Variants in RNFT1 observed in about 807,000 individuals in gnomAD.
RNFT1 encodes the protein E3 ubiquitin-protein ligase RNFT1.
In RNFT1, 35 loss-of-function variants were observed where a neutral mutation model predicts 53.2. The observed-to-expected ratio is 0.66, with a 90% CI of 0.50 to 0.87. RNFT1 has a LOEUF of 0.87. RNFT1 is among the 40% of genes least tolerant of loss of function. The pLI, the probability that RNFT1 is intolerant of heterozygous loss-of-function variation, is 0.00. For synonymous variants in RNFT1, 141 were observed against 172.8 expected (o/e 0.82, Z 1.44); for missense variants, 421 against 515.0 (o/e 0.82, Z 1.77).
chr17:59,959,252 T>C (rs959343442), intron 4 of RNFT1: 1 of 152,616 alleles, frequency 6.6e-6, no homozygotes, highest in African/African-American at 2.4e-5. Context: ...CTGCTTAGAC[T>C]AAAAACCCAG....
chr17:59,957,391 T>C lies in RNFT1; in HGVS notation c.847-9A>G, dbSNP rs770376798. 10 of 1,600,934 alleles carry C rather than the reference T, an allele frequency of 6.2e-6. No homozygotes were observed. In the East Asian group the frequency reaches 8.9e-5, roughly 14 times the overall value. On this transcript the variant is annotated splice_polypyrimidine_tract_variant and intron_variant, in intron 5 of 8. Coordinates refer to ENST00000305783, the MANE Select transcript of RNFT1 (RefSeq NM_016125.4). The stretch of plus-strand genomic sequence containing the variant: ...AGCATATACCAGTAACCCTAAAAAA[T>C]AAGAAGAAAACAAATAGAGCTACCC...
At position 59,963,150 on chromosome 17, in the gene RNFT1, T is replaced by C. The variant is rs1477154765; in HGVS notation, c.191A>G (p.His64Arg). 28 of 1,614,116 alleles carry C rather than the reference T, an allele frequency of 1.7e-5. No homozygotes were observed. Among genetic ancestry groups the C allele is most frequent in the Non-Finnish European group, 2.2e-5 (26 of 1,180,056 alleles). Residue 64 changes from histidine (H) to arginine (R), a missense_variant, in exon 2 of 9, where the codon CAC becomes CGC. Transcript: ENST00000305783. ...AGAACCCTCTCCTGTCAATCTTGTG[T>C]GGACACACTGAGGGGTTGAGGCATC... is the stretch of plus-strand genomic sequence containing the variant. ...SEDASTPQCV[H>R]TRLTGEGSCP...
intron 8 of RNFT1, among the ~76,000 whole-genome samples, chr17:59,953,354 C>T (rs1004988094): frequency 6.6e-6 from 1 of 152,106 alleles, no homozygotes; most frequent in Admixed American, 6.5e-5. Flanking sequence ...ACCACCACCA[C>T]CATGCCCAGC....
intron 7 of RNFT1, 56 bp downstream of exon 7, chr17:59,956,432 A>AC: frequency 8.1e-7 from 1 of 1,230,140 alleles, no homozygotes; most frequent in East Asian, 2.4e-5. Context: ...AACTAAAAAA[A>AC]TTTTTGCAGT....
chr17:59,957,131 A>T, intron 6 of RNFT1, 93 bp downstream of exon 6: 2 of 1,250,114 alleles, frequency 1.6e-6, no homozygotes, highest in South Asian at 1.5e-5. Context: ...ATATGAAGAT[A>T]AACTATAAAA....
chr17:59,953,186 G>T, intron 8 of RNFT1, 75 bp from the exon 9 acceptor site: 3 of 1,179,976 alleles, frequency 2.5e-6, no homozygotes, highest in African/African-American at 1.9e-5. Flanking sequence ...GAATGAAAGG[G>T]ATTCTTTTTT....
chr17:59,956,905 T>C (rs1207238303), intron 6 of RNFT1, among the ~76,000 whole-genome samples: 3 of 152,214 alleles, frequency 2.0e-5, no homozygotes, highest in African/African-American at 7.2e-5. Flanking sequence ...CAGGACAAGA[T>C]ACTCTACTAG....
intron 3 of RNFT1, among the ~76,000 whole-genome samples, chr17:59,961,218 TG>T (rs1390765660): frequency 6.6e-6 from 1 of 150,720 alleles, no homozygotes; most frequent in East Asian, 2.0e-4. Context: ...TTGTATTTTT[TG>T]TAGAGATGGG....
At chr17:59,960,601 A>T (rs2045284151) in intron 3 of RNFT1, among the ~76,000 whole-genome samples, 1 of 151,946 alleles carries the variant, frequency 6.6e-6, no homozygotes, top group Non-Finnish European at 1.5e-5. Flanking sequence ...GCTTGAGGTC[A>T]GGAGTTTGTG....
chr17:59,952,843 G>T lies in RNFT1; in HGVS notation c.*134C>A. 1.4e-6 allele frequency: 1 copy of T among 736,412 alleles called. No individual in the cohort carries two copies. Among genetic ancestry groups the T allele is most frequent in the Non-Finnish European group, 2.1e-6 (1 of 473,684 alleles). The allele number at this position is 736,412 out of a possible 1,614,324, so 45.6% of individuals were successfully genotyped here. On this transcript the variant is annotated 3_prime_UTR_variant, in exon 9 of 9. Coordinates refer to ENST00000305783, the MANE Select transcript of RNFT1 (RefSeq NM_016125.4). ...TTTCATTTAATCTTTTGGTGAATTG[G>T]ATCATAAGTCCTACATTCTAAAACC... is the stretch of plus-strand genomic sequence containing the variant.
At chr17:59,964,198 A>G (rs370126242) in intron 1 of RNFT1, among the ~76,000 whole-genome samples, 13 of 152,292 alleles carry the variant, frequency 8.5e-5, no homozygotes, top group African/African-American at 3.1e-4. Flanking sequence ...TTTGTCTAGG[A>G]GGAGGCTAGA....
intron 7 of RNFT1, among the ~76,000 whole-genome samples, chr17:59,955,772 A>G (rs771494966): frequency 4.6e-5 from 7 of 152,108 alleles, no homozygotes; most frequent in African/African-American, 1.2e-4. Flanking sequence ...CTTTTAAGTC[A>G]GTCTCCTTGG....
At chr17:59,953,389 C>G (rs1029696467) in intron 8 of RNFT1, among the ~76,000 whole-genome samples, 6 of 152,158 alleles carry the variant, frequency 3.9e-5, no homozygotes, top group Admixed American at 3.3e-4. Flanking sequence ...TTAGTAGAGA[C>G]AGGGTTTCAC....
At position 59,957,613 on chromosome 17, in the gene RNFT1, G is replaced by C. The variant is rs550800064; in HGVS notation, c.847-231C>G. ...GGACGCAGTGGCTCCCAGCACTTTG[G>C]GATGGGCAGATCACCTGAGGTCAGG... On this transcript the variant is annotated intron_variant, in intron 5 of 8. Coordinates refer to ENST00000305783, the MANE Select transcript of RNFT1 (RefSeq NM_016125.4). 3.3e-5 allele frequency among the ~76,000 whole-genome samples: 5 copies of C among 152,144 alleles called. No individual in the cohort carries two copies. In the South Asian group the frequency reaches 1.0e-3, roughly 32 times the overall value.
At chr17:59,958,183 G>C in intron 5 of RNFT1, 108 bp downstream of exon 5, 1 of 1,124,962 alleles carries the variant, frequency 8.9e-7, no homozygotes, top group Non-Finnish European at 1.3e-6. Flanking sequence ...AATTAAGCTA[G>C]TTAGCAAACT....
chr17:59,959,813 G>A (rs2045276639), intron 4 of RNFT1: 1 of 202,346 alleles, frequency 4.9e-6, no homozygotes, highest in Non-Finnish European at 1.0e-5. Context: ...AGGAGGCTTA[G>A]ACGGGAGAAT....
At chr17:59,953,949 T>C (rs112263224) in intron 8 of RNFT1, 96 bp downstream of exon 8, 1 of 177,562 alleles carries the variant, frequency 5.6e-6, no homozygotes, top group East Asian at 1.6e-4. Flanking sequence ...AAACACTAGA[T>C]TTTTTTTTTT....
chr17:59,964,372 T>A (rs1204662011), intron 1 of RNFT1, among the ~76,000 whole-genome samples: 1 of 151,984 alleles, frequency 6.6e-6, no homozygotes, highest in Non-Finnish European at 1.5e-5. Context: ...AGAGCGACGT[T>A]GGACAGCAGG....
chr17:59,959,108 T>C (rs2045271341), intron 4 of RNFT1, among the ~76,000 whole-genome samples: 1 of 152,222 alleles, frequency 6.6e-6, no homozygotes, highest in African/African-American at 2.4e-5. Flanking sequence ...GTTCATGACA[T>C]ATATTTGGAA....
Sources: gnomAD v4.1 joint callset for allele counts (sites outside exome capture counted in the v4.1 genomes callset) on GRCh38, gnomAD v4.1.1 for gene constraint, MANE v1.5 for transcripts, NCBI Gene and HGNC (gene_info 2026-07-23, HGNC 2026-07-21) for gene names.